CLEC16A: variants seen among roughly 807,000 people sequenced by gnomAD.
CLEC16A encodes C-type lectin domain containing 16A, also known as protein CLEC16A.
CLEC16A carries 51 observed loss-of-function variants against 109.5 expected under a neutral mutation model. The ratio of observed to expected loss-of-function variants is 0.47; its 90% CI spans 0.37 to 0.59. The LOEUF is 0.59. CLEC16A is among the 20% of genes least tolerant of loss of function. The pLI, the probability that CLEC16A is intolerant of heterozygous loss-of-function variation, is 0.00. For missense variants in CLEC16A, 1,339 were observed against 1,394.0 expected (o/e 0.96, Z 0.63); for synonymous variants, 673 against 564.2 (o/e 1.19, Z -2.73).
chr16:10,944,847 G>C, intron 1 of CLEC16A, 50 bp downstream of exon 1: 1 of 1,505,540 alleles, frequency 6.6e-7, no homozygotes, highest in South Asian at 1.2e-5. Flanking sequence ...CAGGGGGACG[G>C]GGCGCCGAGC....
chr16:11,105,511 A>G (rs2051163705), intron 19 of CLEC16A, among the ~76,000 whole-genome samples: 1 of 152,226 alleles, frequency 6.6e-6, no homozygotes, highest in South Asian at 2.1e-4. Flanking sequence ...CGGGGGAAAG[A>G]TGAAGACACA....
chr16:10,993,982 G>A (rs1046705201), intron 10 of CLEC16A, among the ~76,000 whole-genome samples: 1 of 152,190 alleles, frequency 6.6e-6, no homozygotes, highest in African/African-American at 2.4e-5. Context: ...CTTTCCAAGA[G>A]GAAATTGCAG....
At chr16:10,972,388 C>T in intron 5 of CLEC16A, 166 bp from the exon 6 acceptor site, 4 of 623,062 alleles carry the variant, frequency 6.4e-6, no homozygotes, top group Non-Finnish European at 1.2e-5. Flanking sequence ...GCCTCCTGCT[C>T]TGTTTTCTCC....
At chr16:11,137,521 C>T (rs141619524) in intron 22 of CLEC16A, among the ~76,000 whole-genome samples, 37 of 145,248 alleles carry the variant, frequency 2.5e-4, no homozygotes, top group East Asian at 8.1e-4. Context: ...TTTGGGAGGC[C>T]GAGGCGAGTG....
intron 20 of CLEC16A, among the ~76,000 whole-genome samples, chr16:11,122,533 A>AAG (rs1475473919): frequency 2.0e-5 from 3 of 152,106 alleles, no homozygotes; most frequent in Non-Finnish European, 4.4e-5. Context: ...TTACTATACC[A>AAG]GACTCCCTGC....
At chr16:11,148,802 A>C (rs533667799) in intron 22 of CLEC16A, among the ~76,000 whole-genome samples, 1 of 152,298 alleles carries the variant, frequency 6.6e-6, no homozygotes, top group East Asian at 1.9e-4. Context: ...TTCTCCGAGC[A>C]CAGCGATGCA....
intron 9 of CLEC16A, 102 bp from the exon 10 acceptor site, chr16:10,982,776 C>A: frequency 1.5e-6 from 1 of 667,532 alleles, no homozygotes; most frequent in South Asian, 1.8e-5. Context: ...CTGCTTAATA[C>A]AGGACTTAGG....
At chr16:11,112,013 G>A (rs1201728678) in intron 19 of CLEC16A, among the ~76,000 whole-genome samples, 1 of 152,254 alleles carries the variant, frequency 6.6e-6, no homozygotes, top group African/African-American at 2.4e-5. Context: ...TCTGCCAGTT[G>A]GAGAGCTGTT....
At chr16:11,119,613 A>G (rs1209538711) in intron 19 of CLEC16A, among the ~76,000 whole-genome samples, 3 of 151,982 alleles carry the variant, frequency 2.0e-5, no homozygotes, top group Non-Finnish European at 4.4e-5. Flanking sequence ...GCTAGTCTCC[A>G]ACTCCTGAGC....
chr16:11,146,227 C>T (rs112845797), intron 22 of CLEC16A, among the ~76,000 whole-genome samples: 43 of 152,288 alleles, frequency 2.8e-4, no homozygotes, highest in East Asian at 2.1e-3. Flanking sequence ...CTCATTCCTT[C>T]AGAGCACTCA....
At chr16:10,968,030 G>A (rs1034079076) in intron 3 of CLEC16A, among the ~76,000 whole-genome samples, 4 of 152,246 alleles carry the variant, frequency 2.6e-5, no homozygotes, top group Non-Finnish European at 5.9e-5. Flanking sequence ...TGAGTAGCGA[G>A]GCTCCAAACC....
At chr16:11,032,466 G>A (rs2046798684) in intron 13 of CLEC16A, among the ~76,000 whole-genome samples, 1 of 152,252 alleles carries the variant, frequency 6.6e-6, no homozygotes, top group Non-Finnish European at 1.5e-5. Flanking sequence ...GCAGATACTT[G>A]CTGAGCGCTT....
intron 11 of CLEC16A, among the ~76,000 whole-genome samples, chr16:11,004,473 G>A (rs1180286972): frequency 6.6e-6 from 1 of 152,182 alleles, no homozygotes; most frequent in Non-Finnish European, 1.5e-5. Context: ...AACACTTCCT[G>A]TGAGCCCTCC....
At chr16:11,075,567 G>A (rs1024647980) in intron 19 of CLEC16A, among the ~76,000 whole-genome samples, 2 of 151,982 alleles carry the variant, frequency 1.3e-5, no homozygotes, top group African/African-American at 4.8e-5. Flanking sequence ...CTCTAGAGTA[G>A]CTGGGACCAC....
At chr16:11,050,972 A>G (rs1317023788) in intron 17 of CLEC16A, among the ~76,000 whole-genome samples, 2 of 152,162 alleles carry the variant, frequency 1.3e-5, no homozygotes, top group Admixed American at 1.3e-4. Context: ...CAGCTGAGCG[A>G]CCTTGGATCC....
intron 22 of CLEC16A, chr16:11,156,712 G>A: frequency 7.9e-7 from 1 of 1,271,748 alleles, no homozygotes; most frequent in Non-Finnish European, 1.0e-6. Context: ...GCAGGGGCTG[G>A]GCGAGGCAGG....
In CLEC16A at chr16:11,182,099, C is replaced by T. The variant is rs1233244599; in HGVS notation, c.*3409C>T. Reference sequence around the variant, plus strand: ...GCTTTCGCCAGCATGACTCATGCTTCGTGGGTACTGAACACGAGGGTGGAA... The same window carrying T: ...GCTTTCGCCAGCATGACTCATGCTTTGTGGGTACTGAACACGAGGGTGGAA... On this transcript the variant is annotated 3_prime_UTR_variant, in exon 24 of 24. Coordinates refer to ENST00000409790, the MANE Select transcript of CLEC16A (RefSeq NM_015226.3). 2 of 152,292 alleles carry T rather than the reference C, an allele frequency of 1.3e-5. No homozygotes were observed. The highest frequency in any genetic ancestry group is 2.9e-5 in the Non-Finnish European group (2 of 68,038). 9.4% of individuals were successfully genotyped at this position (152,292 alleles called of 1,614,324 possible). A position where few individuals can be genotyped will look rare whatever the true frequency, so the allele number is the denominator to read the frequency against.
intron 11 of CLEC16A, among the ~76,000 whole-genome samples, chr16:11,018,566 G>A (rs2045903217): frequency 1.3e-5 from 2 of 151,982 alleles, no homozygotes; most frequent in African/African-American, 2.4e-5. Context: ...TGGCCAACAC[G>A]GTGAAACCCT....
intron 12 of CLEC16A, among the ~76,000 whole-genome samples, chr16:11,023,102 T>TG (rs1449088727): frequency 6.7e-6 from 1 of 149,788 alleles, no homozygotes. Flanking sequence ...TTACCAGTTT[T>TG]TTTTTTTTTT....
Sources: allele counts gnomAD v4.1 joint callset (sites outside exome capture counted in the v4.1 genomes callset), GRCh38; gene constraint gnomAD v4.1.1; transcripts MANE v1.5; gene names NCBI Gene and HGNC (gene_info 2026-07-23, HGNC 2026-07-21).